The following SPOCK1 variants were observed in gnomAD, a reference collection of about 807,000 sequenced individuals.
SPOCK1 encodes testican-1.
In SPOCK1, 23 loss-of-function variants were observed where a neutral mutation model predicts 55.3. The observed-to-expected ratio is 0.42, with a 90% CI of 0.30 to 0.59. The LOEUF (loss-of-function observed/expected upper bound fraction) is 0.59. Among genes scored for constraint, SPOCK1 ranks in the 20% least tolerant of loss-of-function variants. The pLI, the probability that SPOCK1 is intolerant of heterozygous loss-of-function variation, is 0.22. For missense variants in SPOCK1, 499 were observed against 552.5 expected, an observed-to-expected ratio of 0.90 and a Z score of 0.97; for synonymous variants, 226 against 221.0, an observed-to-expected ratio of 1.02 and a Z score of -0.20.
chr5:137,030,009 G>A (rs1476050922), intron 6 of SPOCK1, among the ~76,000 whole-genome samples: 2 of 152,208 alleles, frequency 1.3e-5, no homozygotes, highest in Admixed American at 1.3e-4. Context: ...TTTCATGAAA[G>A]CATGAGCACT....
intron 2 of SPOCK1, among the ~76,000 whole-genome samples, chr5:137,402,776 T>A (rs889247908): frequency 1.3e-5 from 2 of 152,184 alleles, no homozygotes; most frequent in African/African-American, 4.8e-5. Flanking sequence ...AAAAAATATG[T>A]TTTTAATAGC....
chr5:137,479,992 C>T (rs1306772770), intron 2 of SPOCK1, among the ~76,000 whole-genome samples: 1 of 152,046 alleles, frequency 6.6e-6, no homozygotes, highest in Admixed American at 6.6e-5. Flanking sequence ...ACATTCATCC[C>T]CACTCAGACT....
chr5:137,432,386 A>T (rs1394867235), intron 2 of SPOCK1, among the ~76,000 whole-genome samples: 3 of 150,804 alleles, frequency 2.0e-5, no homozygotes, highest in African/African-American at 7.3e-5. Flanking sequence ...AAGATTTTTT[A>T]AATGTAGTAT....
intron 3 of SPOCK1, among the ~76,000 whole-genome samples, chr5:137,145,697 T>TA (rs1754179136): frequency 6.6e-6 from 1 of 152,224 alleles, no homozygotes; most frequent in Non-Finnish European, 1.5e-5. Flanking sequence ...GGTTCACCGT[T>TA]GAACATAGGA....
chr5:137,204,678 T>A (rs897907579), intron 3 of SPOCK1, among the ~76,000 whole-genome samples: 1 of 150,094 alleles, frequency 6.7e-6, no homozygotes, highest in African/African-American at 2.5e-5. Context: ...TAACTGACCT[T>A]CCCACTTCCA....
At chr5:137,472,476 A>G (rs1324770589) in intron 2 of SPOCK1, among the ~76,000 whole-genome samples, 1 of 151,748 alleles carries the variant, frequency 6.6e-6, no homozygotes, top group East Asian at 1.9e-4. Flanking sequence ...GTCAGTCGGG[A>G]GAAAATAGGC....
intron 4 of SPOCK1, among the ~76,000 whole-genome samples, chr5:137,131,358 C>T (rs541223306): frequency 6.6e-6 from 1 of 152,312 alleles, no homozygotes; most frequent in East Asian, 1.9e-4. Flanking sequence ...GCCTGTAATC[C>T]CAGCACTGTG....
rs532956190 is a variant in SPOCK1 at position 137,350,829 on chromosome 5, G to T, written c.187-83774C>A. On this transcript the variant is annotated intron_variant, in intron 2 of 10. Coordinates refer to ENST00000394945, the MANE Select transcript of SPOCK1 (RefSeq NM_004598.4). ...TGTGTGTGTGTGTGTCCACGCACGT[G>T]TGCGTGTGTGTGTAATGTAGCATCA... Among the ~76,000 whole-genome samples, 5 of 152,180 alleles carry T rather than the reference G, an allele frequency of 3.3e-5. No homozygotes were observed. The South Asian group carries it at 1.0e-3, about 32-fold the overall frequency.
chr5:137,413,683 GC>G (rs1343013482), intron 2 of SPOCK1, among the ~76,000 whole-genome samples: 1 of 152,128 alleles, frequency 6.6e-6, no homozygotes, highest in Non-Finnish European at 1.5e-5. Context: ...GCAGTACCAT[GC>G]CCTATGTCAC....
intron 6 of SPOCK1, among the ~76,000 whole-genome samples, chr5:137,015,192 A>G (rs950509693): frequency 2.0e-5 from 3 of 152,024 alleles, no homozygotes; most frequent in African/African-American, 4.8e-5. Flanking sequence ...CTGTAATCCC[A>G]GGACTTTGGG....
At chr5:137,250,744 G>C (rs1326043030) in intron 3 of SPOCK1, among the ~76,000 whole-genome samples, 1 of 152,204 alleles carries the variant, frequency 6.6e-6, no homozygotes, top group Admixed American at 6.5e-5. Context: ...TAGCCTCAAA[G>C]GCACATCATA....
intron 4 of SPOCK1, among the ~76,000 whole-genome samples, chr5:137,120,547 C>G (rs2905967): frequency 0.75 from 113,658 of 152,058 alleles, 42,747 homozygotes; most frequent in African/African-American, 0.8. Context: ...GATTGAACAG[C>G]CTCAAATGAG....
chr5:136,998,827 C>T (rs1430306547), intron 6 of SPOCK1, among the ~76,000 whole-genome samples: 1 of 152,240 alleles, frequency 6.6e-6, no homozygotes, highest in East Asian at 1.9e-4. Flanking sequence ...TTGCACATTA[C>T]TCCAAAATGT....
rs1753775561 is a variant in SPOCK1, at chr5:137,473,368, G to A, written c.186+25005C>T. 3.9e-5 allele frequency among the ~76,000 whole-genome samples: 6 copies of A among 152,276 alleles called. No homozygotes were observed. In the South Asian group the frequency reaches 1.0e-3, roughly 26 times the overall value. On this transcript the variant is annotated intron_variant, in intron 2 of 10. Coordinates refer to ENST00000394945, the MANE Select transcript of SPOCK1 (RefSeq NM_004598.4). ...AACAGCAAGGTACGCAAGTAAACAT[G>A]TATACATGTATACACATGAGAGAGT...
intron 2 of SPOCK1, among the ~76,000 whole-genome samples, chr5:137,285,781 C>T (rs1674777365): frequency 6.6e-6 from 1 of 152,098 alleles, no homozygotes; most frequent in African/African-American, 2.4e-5. Flanking sequence ...CATGGAAGAG[C>T]CCTAGGGAGA....
Position 137,415,188 on chromosome 5 carries a change from A to G in SPOCK1, c.186+83185T>C, listed in dbSNP as rs551788694. Among the ~76,000 whole-genome samples, 8 of 152,344 alleles carry G rather than the reference A, an allele frequency of 5.3e-5. No individual in the cohort carries two copies. In the South Asian group the frequency reaches 1.7e-3, roughly 32 times the overall value. On this transcript the variant is annotated intron_variant, in intron 2 of 10. Coordinates refer to ENST00000394945, the MANE Select transcript of SPOCK1 (RefSeq NM_004598.4). ...ATAGAGATTTATGAATAGTTCCTCA[A>G]TTAGGGAGGAAGGTGAGATAAATAG...
chr5:137,214,986 T>C (rs1056938527), intron 3 of SPOCK1, among the ~76,000 whole-genome samples: 1 of 152,164 alleles, frequency 6.6e-6, no homozygotes, highest in Non-Finnish European at 1.5e-5. Context: ...AGGCATACCA[T>C]GTCCTAAGCA....
chr5:136,988,159 T>C (rs1369769936), intron 8 of SPOCK1, among the ~76,000 whole-genome samples: 1 of 152,178 alleles, frequency 6.6e-6, no homozygotes, highest in African/African-American at 2.4e-5. Context: ...TAGATGAAAA[T>C]ACGGACAGTT....
chr5:137,271,311 A>C lies in SPOCK1; in HGVS notation c.187-4256T>G, dbSNP rs146300430. ...AAAGGAATTTAACTATTAATGCTTT[A>C]GAGATATTCTGTTCAGATAAGCATC... On this transcript the variant is annotated intron_variant, in intron 2 of 10. Coordinates refer to ENST00000394945, the MANE Select transcript of SPOCK1 (RefSeq NM_004598.4). Among the ~76,000 whole-genome samples the C allele has an allele frequency of 4.0e-5, 6 of 150,934 alleles. No homozygotes were observed. The East Asian group carries it at 1.2e-3, about 29-fold the overall frequency.
Sources: allele counts gnomAD v4.1 joint callset (sites outside exome capture counted in the v4.1 genomes callset), GRCh38; gene constraint gnomAD v4.1.1; transcripts MANE v1.5; gene names NCBI Gene and HGNC (gene_info 2026-07-23, HGNC 2026-07-21).